ROPN1L: variants seen among roughly 807,000 people sequenced by gnomAD.
ROPN1L encodes the protein rhophilin associated tail protein 1 like.
In ROPN1L, 23 loss-of-function variants were observed where a neutral mutation model predicts 22.7. The ratio of observed to expected loss-of-function variants is 1.01; its 90% CI spans 0.73 to 1.43. ROPN1L has a LOEUF of 1.43. ROPN1L is among the 40% of genes most tolerant of loss of function. The pLI is 0.00. For synonymous variants in ROPN1L, 116 were observed against 117.8 expected, an observed-to-expected ratio of 0.98 and a Z score of 0.10; for missense variants, 271 against 291.5, an observed-to-expected ratio of 0.93 and a Z score of 0.51.
chr5:10,463,995 C>T (rs2967951), intron 4 of ROPN1L, among the ~76,000 whole-genome samples: 29,295 of 152,144 alleles, frequency 0.19, 4,011 homozygotes, highest in East Asian at 0.66. Context: ...ATGCAGGCCA[C>T]AGCACCAGGA....
chr5:10,452,343 T>G (rs1423011744), intron 3 of ROPN1L, among the ~76,000 whole-genome samples: 5 of 139,098 alleles, frequency 3.6e-5, no homozygotes, highest in South Asian at 2.2e-4. Flanking sequence ...GTGTGTGTAT[T>G]TTTTTTTTTT....
downstream of ROPN1L, among the ~76,000 whole-genome samples, chr5:10,466,467 A>G (rs1489968228): frequency 6.6e-6 from 1 of 152,214 alleles, no homozygotes; most frequent in Non-Finnish European, 1.5e-5. Flanking sequence ...AAGAAAAGAC[A>G]TTTGAAGACG....
chr5:10,468,386 C>G (rs1735189483), downstream of ROPN1L, among the ~76,000 whole-genome samples: 1 of 152,214 alleles, frequency 6.6e-6, no homozygotes, highest in South Asian at 2.1e-4. Flanking sequence ...CCAGAATACT[C>G]AGGCAGAGGG....
chr5:10,465,734 C>T (rs1735142859), downstream of ROPN1L, among the ~76,000 whole-genome samples: 1 of 151,878 alleles, frequency 6.6e-6, no homozygotes, highest in African/African-American at 2.4e-5. Context: ...CACCTGTAAT[C>T]CCAGCTACTC....
intron 1 of ROPN1L, among the ~76,000 whole-genome samples, chr5:10,444,716 T>C (rs1740999138): frequency 6.8e-6 from 1 of 147,690 alleles, no homozygotes; most frequent in African/African-American, 2.5e-5. Flanking sequence ...CTGACCAACA[T>C]GGTGAAACCC....
rs143784162 is a variant in ROPN1L at position 10,461,326 on chromosome 5, C to G, written c.560C>G (p.Thr187Arg). Residue 187 changes from threonine (T) to arginine (R), a missense_variant, in exon 4 of 5, where the codon ACG becomes AGG. Physicochemically the swap from Thr to Arg is moderately conservative, Grantham distance 71 (BLOSUM62 -1). Transcript: ENST00000274134. ...RLDSDVSPLE[T>R]ESYLASLKEN... is the part of the protein sequence containing the mutation. ...GACTCAGATGTGTCTCCCTTGGAGA[C>G]GGAATCCTACCTTGCCTCTCTAAAG... is the stretch of plus-strand genomic sequence containing the variant. 6.4e-4 allele frequency: 1,026 copies of G among 1,614,000 alleles called. 1 individual carries two copies. The highest frequency in any genetic ancestry group is 7.9e-4 in the Non-Finnish European group (928 of 1,179,946).
chr5:10,462,928 A>C (rs1246393744), intron 4 of ROPN1L, among the ~76,000 whole-genome samples: 1 of 145,702 alleles, frequency 6.9e-6, no homozygotes. Flanking sequence ...AATAATAATA[A>C]CTTAAAAAGT....
At chr5:10,450,518 G>A (rs915726924) in intron 3 of ROPN1L, among the ~76,000 whole-genome samples, 4 of 151,776 alleles carry the variant, frequency 2.6e-5, no homozygotes, top group Admixed American at 1.3e-4. Flanking sequence ...TTTTTTTTGA[G>A]ATGGAGTTTT....
chr5:10,458,786 C>CT (rs1561174550), intron 3 of ROPN1L, among the ~76,000 whole-genome samples: 3 of 61,598 alleles, frequency 4.9e-5, no homozygotes, highest in Non-Finnish European at 1.4e-4. Flanking sequence ...CACCATTCCC[C>CT]CGTGTACACC....
chr5:10,451,840 T>G (rs1741259638), intron 3 of ROPN1L, among the ~76,000 whole-genome samples: 1 of 152,340 alleles, frequency 6.6e-6, no homozygotes, highest in African/African-American at 2.4e-5. Flanking sequence ...GGGGAGTGTC[T>G]CAGGGGTATT....
the ROPN1L span, among the ~76,000 whole-genome samples, chr5:10,479,597 G>A: frequency 6.6e-6 from 1 of 152,164 alleles, no homozygotes; most frequent in Non-Finnish European, 1.5e-5. Context: ...CGCCAGGCTG[G>A]GACTCGGCTG....
At chr5:10,463,684 C>T (rs1735087813) in intron 4 of ROPN1L, among the ~76,000 whole-genome samples, 1 of 152,182 alleles carries the variant, frequency 6.6e-6, no homozygotes, top group Non-Finnish European at 1.5e-5. Context: ...CTGTGCCAGG[C>T]ATTGGCGCAG....
At chr5:10,455,088 GCCT>G (rs1447745445) in intron 3 of ROPN1L, among the ~76,000 whole-genome samples, 1 of 152,138 alleles carries the variant, frequency 6.6e-6, no homozygotes, top group Non-Finnish European at 1.5e-5. Flanking sequence ...TTCAACCTCG[GCCT>G]CCTCCTGACA....
chr5:10,458,976 C>T (rs1304413239), intron 3 of ROPN1L, among the ~76,000 whole-genome samples: 1 of 141,166 alleles, frequency 7.1e-6, no homozygotes, highest in African/African-American at 2.6e-5. Flanking sequence ...TATACACCAC[C>T]CCGCCTGTAT....
In ROPN1L at chr5:10,464,890, C is replaced by A. The variant is rs1177183015; in HGVS notation, c.636C>A (p.Phe212Leu). 9 of 1,608,496 alleles carry A rather than the reference C, an allele frequency of 5.6e-6. No homozygotes were observed. Among genetic ancestry groups the A allele is most frequent in the African/African-American group, 1.3e-5 (1 of 74,734 alleles). ...KNGMIGLSDFFFPKRKLLESI... is the reference protein window; with the variant it reads ...KNGMIGLSDFLFPKRKLLESI... Reference sequence around the variant, plus strand: ...GCATGATAGGTCTTTCAGATTTCTTCTTTCCAAAGAGGAAACTTTTAGAAA... The same window carrying A: ...GCATGATAGGTCTTTCAGATTTCTTATTTCCAAAGAGGAAACTTTTAGAAA... Residue 212 changes from phenylalanine (F) to leucine (L), a missense_variant, in exon 5 of 5, where the codon TTC becomes TTA. Transcript: ENST00000274134.
chr5:10,448,917 C>G (rs182990758), intron 2 of ROPN1L, among the ~76,000 whole-genome samples: 194 of 152,336 alleles, frequency 1.3e-3, no homozygotes, highest in African/African-American at 4.3e-3. Context: ...TTTTTACAGA[C>G]GTGAGTTACT....
chr5:10,458,673 ACCG>A (rs1734917768), intron 3 of ROPN1L, among the ~76,000 whole-genome samples: 1 of 52,456 alleles, frequency 1.9e-5, no homozygotes, highest in Non-Finnish European at 3.6e-5. Flanking sequence ...CCCCATGTAC[ACCG>A]TCCCCACCAT....
chr5:10,473,568 G>A (rs780857377), downstream of ROPN1L, among the ~76,000 whole-genome samples: 11 of 152,194 alleles, frequency 7.2e-5, no homozygotes, highest in Non-Finnish European at 1.5e-4. Context: ...AATTGTTGCT[G>A]TTTGAAGCCA....
At chr5:10,474,455 G>T (rs556327155), downstream of ROPN1L, among the ~76,000 whole-genome samples, 1 of 152,352 alleles carries the variant, frequency 6.6e-6, no homozygotes, top group African/African-American at 2.4e-5. Flanking sequence ...AGGGCACCAG[G>T]TGCTGAGGAC....
Sources: allele counts gnomAD v4.1 joint callset (sites outside exome capture counted in the v4.1 genomes callset), GRCh38; gene constraint gnomAD v4.1.1; transcripts MANE v1.5; gene names NCBI Gene and HGNC (gene_info 2026-07-23, HGNC 2026-07-21).